Variants in DOCK8 observed in about 807,000 individuals in gnomAD.
DOCK8 encodes dedicator of cytokinesis protein 8.
DOCK8 carries 141 observed loss-of-function variants against 245.6 expected under a neutral mutation model. That is an observed-to-expected ratio of 0.57 (90% CI 0.50 to 0.66). The LOEUF (loss-of-function observed/expected upper bound fraction) is 0.66. DOCK8 is among the 30% of genes least tolerant of loss of function. DOCK8 has a pLI of 0.00. For synonymous variants in DOCK8, 1,168 were observed against 970.2 expected, an observed-to-expected ratio of 1.20 and a Z score of -3.79; for missense variants, 2,965 against 2,603.4, an observed-to-expected ratio of 1.14 and a Z score of -3.02.
chr9:347,101 C>T (rs1027540393), intron 14 of DOCK8, among the ~76,000 whole-genome samples: 1 of 152,082 alleles, frequency 6.6e-6, no homozygotes, highest in African/African-American at 2.4e-5. Flanking sequence ...TGGGATGGGG[C>T]ACTGGTGGTC....
intron 1 of DOCK8, among the ~76,000 whole-genome samples, chr9:244,016 CTACTAAAAA>C (rs1383170376): frequency 6.6e-6 from 1 of 151,832 alleles, no homozygotes; most frequent in African/African-American, 2.4e-5. Context: ...AACCCCGTCT[CTACTAAAAA>C]TACAAAAAAA....
chr9:211,699 A>C (rs1465903395), upstream of DOCK8, among the ~76,000 whole-genome samples: 2 of 152,112 alleles, frequency 1.3e-5, no homozygotes, highest in Non-Finnish European at 2.9e-5. Context: ...CGTATTTCTA[A>C]AGTTCAGAGA....
At chr9:428,563 C>T in intron 35 of DOCK8, 67 bp downstream of exon 35, 2 of 1,590,606 alleles carry the variant, frequency 1.3e-6, no homozygotes, top group South Asian at 2.2e-5. Context: ...CTTCATACTT[C>T]TCTCTTCAGG....
chr9:293,749 G>A (rs947859279), intron 4 of DOCK8, among the ~76,000 whole-genome samples: 2 of 152,214 alleles, frequency 1.3e-5, no homozygotes, highest in African/African-American at 4.8e-5. Flanking sequence ...GTTTTTCTGT[G>A]TCTTCATAAG....
intron 15 of DOCK8, 75 bp downstream of exon 15, chr9:368,210 C>A (rs1327506733): frequency 1.6e-6 from 2 of 1,230,122 alleles, no homozygotes; most frequent in Non-Finnish European, 2.4e-6. Flanking sequence ...AAGTCCGGGA[C>A]TCATCAGTGT....
chr9:297,750 C>G lies in DOCK8; in HGVS notation c.405-6831C>G, dbSNP rs536305583. On this transcript the variant is annotated intron_variant, in intron 4 of 47. Transcript: ENST00000432829. Reference sequence around the variant, plus strand: ...TCCTCCCCAGCCAGGTTCACCCTTGCTGCTGTCAAGGAGCTTTGAGACTTT... The same window carrying G: ...TCCTCCCCAGCCAGGTTCACCCTTGGTGCTGTCAAGGAGCTTTGAGACTTT... Among the ~76,000 whole-genome samples, 14 of 152,318 alleles carry G rather than the reference C, an allele frequency of 9.2e-5. No homozygotes were observed. In the Middle Eastern group the frequency reaches 0.02, roughly 222 times the overall value.
rs942362011 is a variant in DOCK8 at position 396,880 on chromosome 9, T to C, written c.3066T>C (p.Thr1022=). Residue 1022 remains threonine, a synonymous_variant, in exon 25 of 48, where the codon ACT becomes ACC. Coordinates refer to ENST00000432829, the MANE Select transcript of DOCK8 (RefSeq NM_203447.4). ...ACCGTTTCATGGATGACATAACTAC[T>C]ATTGTTAATGTGGTCACCTCGGAAA... ...FSDRFMDDIT[T]IVNVVTSEIA... 1.8e-5 allele frequency: 29 copies of C among 1,614,054 alleles called. No homozygotes were observed. The highest frequency in any genetic ancestry group is 2.2e-5 in the Non-Finnish European group (26 of 1,180,030).
Position 451,991 on chromosome 9 carries a change from TTTTTTTTTTTTC to T in DOCK8, c.5962-19_5962-8del, listed in dbSNP as rs1564085681. 5 of 676,242 alleles carry T rather than the reference TTTTTTTTTTTTC, an allele frequency of 7.4e-6. No individual in the cohort carries two copies. The highest frequency in any genetic ancestry group is 8.9e-6 in the Non-Finnish European group (4 of 447,762). 41.9% of individuals were successfully genotyped at this position (676,242 alleles called of 1,614,324 possible). A position where few individuals can be genotyped will look rare whatever the true frequency, so the allele number is the denominator to read the frequency against. On this transcript the variant is annotated splice_polypyrimidine_tract_variant and splice_region_variant and intron_variant, in intron 45 of 47. Coordinates refer to ENST00000432829, the MANE Select transcript of DOCK8 (RefSeq NM_203447.4). ...TATATATATATATTTTTTTTTTTTTTTTTTTTTTTTTCCCACCAGGGACCACTGGAAGTAGCC... is the reference window on the plus strand; with the variant it reads ...TATATATATATATTTTTTTTTTTTTTCCACCAGGGACCACTGGAAGTAGCC...
chr9:289,622 T>A, intron 4 of DOCK8, 41 bp downstream of exon 4: 1 of 1,481,842 alleles, frequency 6.7e-7, no homozygotes, highest in Non-Finnish European at 9.3e-7. Context: ...TAAATATTAA[T>A]TTTATATTGC....
At chr9:352,726 G>T (rs574404007) in intron 14 of DOCK8, among the ~76,000 whole-genome samples, 2,483 of 117,714 alleles carry the variant, frequency 0.021, 77 homozygotes, top group African/African-American at 0.07. Context: ...CAGTGACAGT[G>T]TGAGACTCTG....
In DOCK8 at chr9:247,818, A is replaced by G. The variant is rs560995565; in HGVS notation, c.54-23809A>G. On this transcript the variant is annotated intron_variant, in intron 1 of 47. Transcript: ENST00000432829. ...TCCCAAAGTGCTGGGATTATGGCAG[A>G]GAAATGTTTGTTTCAAAAGTGTGTT... Among the ~76,000 whole-genome samples the G allele has an allele frequency of 3.9e-3, 589 of 152,180 alleles. 4 individuals are homozygous for G. The highest frequency in any genetic ancestry group is 5.5e-3 in the Non-Finnish European group (374 of 67,984).
intron 21 of DOCK8, among the ~76,000 whole-genome samples, chr9:382,218 G>A (rs935019355): frequency 6.6e-6 from 1 of 151,990 alleles, no homozygotes; most frequent in Non-Finnish European, 1.5e-5. Flanking sequence ...AGCAACCCTG[G>A]GGTCCATTTC....
At chr9:273,782 GTTCAAGCAATTCTCCTGTA>G in intron 2 of DOCK8, among the ~76,000 whole-genome samples, 1 of 38,690 alleles carries the variant, frequency 2.6e-5, no homozygotes, top group African/African-American at 3.3e-4. Flanking sequence ...CTGCCTCCTA[GTTCAAGCAATTCTCCTGTA>G]GTTCAAGCAA....
chr9:452,222 G>A, intron 46 of DOCK8, 105 bp downstream of exon 46: 1 of 754,704 alleles, frequency 1.3e-6, no homozygotes, highest in Non-Finnish European at 2.2e-6. Flanking sequence ...GAAAGACAAA[G>A]TCTCAGGCAC....
chr9:344,037 C>T (rs1267496751), intron 14 of DOCK8, among the ~76,000 whole-genome samples: 13 of 152,132 alleles, frequency 8.5e-5, no homozygotes, highest in Admixed American at 8.5e-4. Context: ...TACAATGGAC[C>T]CAACTTGTCA....
At position 376,923 on chromosome 9, in the gene DOCK8, C is replaced by G. The variant is rs1394149235; in HGVS notation, c.2206-54C>G. The G allele has an allele frequency of 2.0e-6, 3 of 1,489,856 alleles. No homozygotes were observed. The African/African-American group carries it at 4.2e-5, about 21-fold the overall frequency. The allele number at this position is 1,489,856 out of a possible 1,614,324, so 92.3% of individuals were successfully genotyped here. Reference sequence around the variant, plus strand: ...CTATTCGATTGTGTTTGTGAATCCACTGGTGAACATTGATGGTATAAAACC... The same window carrying G: ...CTATTCGATTGTGTTTGTGAATCCAGTGGTGAACATTGATGGTATAAAACC... On this transcript the variant is annotated intron_variant, in intron 19 of 47. Coordinates refer to ENST00000432829, the MANE Select transcript of DOCK8 (RefSeq NM_203447.4).
intron 2 of DOCK8, among the ~76,000 whole-genome samples, chr9:277,465 A>AGAGGGGAGGGGAGGGGAAGGGAAGG (rs1563865198): frequency 1.5e-5 from 1 of 64,678 alleles, no homozygotes; most frequent in African/African-American, 9.0e-5. Context: ...AAGAGAGAAG[A>AGAGGGGAGGGGAGGGGAAGGGAAGG]GAAGAGAAGA....
At position 464,483 on chromosome 9, in the gene DOCK8, A is replaced by T; in HGVS notation, c.*264A>T. The T allele has an allele frequency of 1.8e-6, 1 of 553,362 alleles. No homozygotes were observed. The highest frequency in any genetic ancestry group is 2.0e-5 in the South Asian group (1 of 49,528). 34.3% of individuals were successfully genotyped at this position (553,362 alleles called of 1,614,324 possible). A position where few individuals can be genotyped will look rare whatever the true frequency, so the allele number is the denominator to read the frequency against. On this transcript the variant is annotated 3_prime_UTR_variant, in exon 48 of 48. Coordinates refer to ENST00000432829, the MANE Select transcript of DOCK8 (RefSeq NM_203447.4). ...ATTTATTAAAGTGTGTTTTTCCACAATGTACCAAACAAGGCATAAGCAGCT... is the reference window on the plus strand; with the variant it reads ...ATTTATTAAAGTGTGTTTTTCCACATTGTACCAAACAAGGCATAAGCAGCT...
chr9:223,847 C>T lies in DOCK8; in HGVS notation c.53+8818C>T, dbSNP rs56393598. On this transcript the variant is annotated intron_variant, in intron 1 of 47. Coordinates refer to ENST00000432829, the MANE Select transcript of DOCK8 (RefSeq NM_203447.4). Reference sequence around the variant, plus strand: ...TATTCTGTTGCCCATTTCTGTTCTCCCTGCTGCTCCCTGAGAGTACTAACA... The same window carrying T: ...TATTCTGTTGCCCATTTCTGTTCTCTCTGCTGCTCCCTGAGAGTACTAACA... 7.7e-3 allele frequency among the ~76,000 whole-genome samples: 1,172 copies of T among 151,932 alleles called. 18 individuals are homozygous for T. The highest frequency in any genetic ancestry group is 0.027 in the African/African-American group (1,107 of 41,416).
Sources: allele counts gnomAD v4.1 joint callset (sites outside exome capture counted in the v4.1 genomes callset), GRCh38; gene constraint gnomAD v4.1.1; transcripts MANE v1.5; gene names NCBI Gene and HGNC (gene_info 2026-07-23, HGNC 2026-07-21).